The following TRPM3 variants were observed in gnomAD, a reference collection of about 807,000 sequenced individuals.
TRPM3 encodes long transient receptor potential channel 3.
A neutral mutation model predicts 181.2 loss-of-function variants in TRPM3; 77 were observed. The ratio of observed to expected loss-of-function variants is 0.42; its 90% CI spans 0.35 to 0.51. The LOEUF is 0.51. Ranked by LOEUF, TRPM3 falls within the 20% of genes least tolerant of loss-of-function variation. TRPM3 has a pLI of 0.01. For synonymous variants in TRPM3, 745 were observed against 796.4 expected (o/e 0.94, Z 1.09); for missense variants, 1,759 against 2,196.7 (o/e 0.80, Z 3.98).
At chr9:71,053,092 GAAAAAAA>G (rs36015552) in intron 1 of TRPM3, among the ~76,000 whole-genome samples, 29 of 62,462 alleles carry the variant, frequency 4.6e-4, no homozygotes, top group Non-Finnish European at 6.8e-4. Context: ...CCATCCTAAG[GAAAAAAA>G]AAAAAAAAAA....
At chr9:70,549,364 G>C (rs1412826100) in intron 25 of TRPM3, among the ~76,000 whole-genome samples, 178 bp downstream of exon 25, 1 of 152,094 alleles carries the variant, frequency 6.6e-6, no homozygotes, top group African/African-American at 2.4e-5. Flanking sequence ...TGTAAGTCTG[G>C]GATTTTGATC....
At chr9:70,985,688 G>A (rs927007732) in intron 1 of TRPM3, among the ~76,000 whole-genome samples, 2 of 152,162 alleles carry the variant, frequency 1.3e-5, no homozygotes, top group African/African-American at 2.4e-5. Flanking sequence ...CCAGCACTGT[G>A]CTGGGCCCTT....
chr9:70,879,192 G>T (rs1276735399), intron 1 of TRPM3, among the ~76,000 whole-genome samples: 2 of 152,110 alleles, frequency 1.3e-5, no homozygotes, highest in Non-Finnish European at 2.9e-5. Flanking sequence ...CAGTGACACA[G>T]AGAAGTAAAT....
rs138890370 is a variant in TRPM3 at position 70,577,433 on chromosome 9, T to C, written c.3223+13598A>G. ...CAACAAGTTCTTTAACCTCTGTTCTTCATGTAGATCACTAGTAAATCAGCA... is the reference window on the plus strand; with the variant it reads ...CAACAAGTTCTTTAACCTCTGTTCTCCATGTAGATCACTAGTAAATCAGCA... On this transcript the variant is annotated intron_variant, in intron 22 of 25. Coordinates refer to ENST00000677713, the MANE Select transcript of TRPM3 (RefSeq NM_001366145.2). Among the ~76,000 whole-genome samples, 7 of 152,350 alleles carry C rather than the reference T, an allele frequency of 4.6e-5. No individual in the cohort carries two copies. In the East Asian group the frequency reaches 1.2e-3, roughly 25 times the overall value.
chr9:70,641,648 C>T (rs980730597), intron 9 of TRPM3, among the ~76,000 whole-genome samples: 3 of 152,162 alleles, frequency 2.0e-5, no homozygotes, highest in Non-Finnish European at 4.4e-5. Context: ...GTCAGGCTAG[C>T]CACATTTTAA....
chr9:70,907,613 A>G (rs771754170), intron 1 of TRPM3, among the ~76,000 whole-genome samples: 41 of 152,154 alleles, frequency 2.7e-4, no homozygotes, highest in Non-Finnish European at 4.9e-4. Context: ...GGTGTGTTGC[A>G]TGACACTGAG....
chr9:71,276,214 A>T (rs2084201994), intron 1 of TRPM3, among the ~76,000 whole-genome samples: 1 of 152,140 alleles, frequency 6.6e-6, no homozygotes, highest in Non-Finnish European at 1.5e-5. Context: ...CCCTTCGTCA[A>T]CCGTACACAC....
chr9:70,979,712 A>G (rs1189136021), intron 1 of TRPM3, among the ~76,000 whole-genome samples: 2 of 152,158 alleles, frequency 1.3e-5, no homozygotes, highest in South Asian at 4.1e-4. Context: ...GCCATAATAA[A>G]ATATCAAAGA....
At chr9:71,325,605 G>A (rs2089616768) in intron 1 of TRPM3, among the ~76,000 whole-genome samples, 1 of 152,130 alleles carries the variant, frequency 6.6e-6, no homozygotes, top group African/African-American at 2.4e-5. Context: ...GTAAATAAAT[G>A]TGTGAGTTAA....
At chr9:70,807,539 CAG>C (rs2090965307) in intron 6 of TRPM3, among the ~76,000 whole-genome samples, 1 of 151,788 alleles carries the variant, frequency 6.6e-6, no homozygotes, top group African/African-American at 2.4e-5. Flanking sequence ...GGTTGAAAAT[CAG>C]AGCTAAAAAT....
At chr9:71,243,444 G>A (rs2081841934) in intron 1 of TRPM3, among the ~76,000 whole-genome samples, 1 of 152,186 alleles carries the variant, frequency 6.6e-6, no homozygotes, top group African/African-American at 2.4e-5. Flanking sequence ...GTGCTGCCCT[G>A]CCAGGCTCTG....
At chr9:71,252,213 T>C (rs2082387634) in intron 1 of TRPM3, among the ~76,000 whole-genome samples, 1 of 152,172 alleles carries the variant, frequency 6.6e-6, no homozygotes, top group Admixed American at 6.5e-5. Context: ...AATTTAACTT[T>C]TTTTTTTTAG....
chr9:70,548,472 C>T (rs2045618952), intron 25 of TRPM3, among the ~76,000 whole-genome samples: 1 of 152,156 alleles, frequency 6.6e-6, no homozygotes, highest in African/African-American at 2.4e-5. Flanking sequence ...CCTACAGAGC[C>T]ACTGGAGAAG....
intron 1 of TRPM3, among the ~76,000 whole-genome samples, chr9:71,332,372 G>T (rs11795230): frequency 0.012 from 1,586 of 127,746 alleles, 41 homozygotes; most frequent in African/African-American, 0.045. Context: ...GGTTTTCAAT[G>T]TTGGGTGTGT....
chr9:71,242,017 G>T (rs552101942), intron 1 of TRPM3, among the ~76,000 whole-genome samples: 14 of 152,206 alleles, frequency 9.2e-5, no homozygotes, highest in Non-Finnish European at 1.9e-4. Context: ...ATTGCTTTTG[G>T]AAGGAGGTTT....
At chr9:70,672,862 T>C (rs1397070062) in intron 9 of TRPM3, among the ~76,000 whole-genome samples, 1 of 152,150 alleles carries the variant, frequency 6.6e-6, no homozygotes, top group Non-Finnish European at 1.5e-5. Flanking sequence ...ACATTGTGTG[T>C]GCAACTAGGG....
intron 9 of TRPM3, among the ~76,000 whole-genome samples, chr9:70,678,726 A>T (rs1225878607): frequency 6.6e-6 from 1 of 152,252 alleles, no homozygotes. Flanking sequence ...TTCTACATGC[A>T]TTAGATAATT....
At chr9:71,244,506 CT>C (rs2131983871) in intron 1 of TRPM3, among the ~76,000 whole-genome samples, 1 of 152,266 alleles carries the variant, frequency 6.6e-6, no homozygotes, top group African/African-American at 2.4e-5. Context: ...GGAAAATCCT[CT>C]AAGTCACCCT....
chr9:70,782,214 T>G (rs901882265), intron 7 of TRPM3, among the ~76,000 whole-genome samples: 3 of 152,022 alleles, frequency 2.0e-5, no homozygotes, highest in Non-Finnish European at 4.4e-5. Context: ...TTTTTTCTTT[T>G]TTTTTTTTAA....
Sources: allele counts gnomAD v4.1 joint callset (sites outside exome capture counted in the v4.1 genomes callset), GRCh38; gene constraint gnomAD v4.1.1; transcripts MANE v1.5; gene names NCBI Gene and HGNC (gene_info 2026-07-23, HGNC 2026-07-21).